Variants in HEMK2 observed in about 807,000 individuals in gnomAD.
HEMK2 encodes the protein methyltransferase HEMK2.
At chr21:28,682,645 A>G in the HEMK2 span, among the ~76,000 whole-genome samples, 8 of 152,228 alleles carry the variant, frequency 5.3e-5, no homozygotes, top group Admixed American at 5.2e-4. Context: ...ACGACTTGGA[A>G]CCAAGCCAAA....
chr21:28,792,095 C>T, the HEMK2 span, among the ~76,000 whole-genome samples: 1 of 152,120 alleles, frequency 6.6e-6, no homozygotes, highest in African/African-American at 2.4e-5. Flanking sequence ...TTACAAATGC[C>T]ATGGTAGTAT....
At chr21:28,589,184 G>A in the HEMK2 span, among the ~76,000 whole-genome samples, 2 of 152,098 alleles carry the variant, frequency 1.3e-5, no homozygotes, top group East Asian at 3.8e-4. Context: ...AATTGGCAAA[G>A]TACAGGCAAT....
the HEMK2 span, among the ~76,000 whole-genome samples, chr21:28,617,842 G>T: frequency 6.6e-6 from 1 of 150,946 alleles, no homozygotes; most frequent in South Asian, 2.1e-4. Context: ...AGGCTGGAGT[G>T]CAGTGGCATG....
At chr21:28,739,931 G>A in the HEMK2 span, among the ~76,000 whole-genome samples, 1 of 152,162 alleles carries the variant, frequency 6.6e-6, no homozygotes, top group African/African-American at 2.4e-5. Flanking sequence ...TGGAGCATGA[G>A]AAGAAAGGTC....
chr21:28,686,541 G>A, the HEMK2 span, among the ~76,000 whole-genome samples: 3 of 152,104 alleles, frequency 2.0e-5, no homozygotes, highest in Non-Finnish European at 4.4e-5. Flanking sequence ...CCACCATTAG[G>A]TTTTAATAAA....
the HEMK2 span, among the ~76,000 whole-genome samples, chr21:28,775,537 A>T: frequency 6.6e-6 from 1 of 152,202 alleles, no homozygotes; most frequent in Non-Finnish European, 1.5e-5. Flanking sequence ...TGATAGATTG[A>T]TAGAAAGAAT....
chr21:28,603,489 T>C, the HEMK2 span, among the ~76,000 whole-genome samples: 1 of 151,120 alleles, frequency 6.6e-6, no homozygotes. Context: ...GATAGATAGA[T>C]ACAAACTCAC....
At chr21:28,752,897 G>A in the HEMK2 span, among the ~76,000 whole-genome samples, 1 of 152,206 alleles carries the variant, frequency 6.6e-6, no homozygotes, top group Non-Finnish European at 1.5e-5. Context: ...TGGGGATGTG[G>A]GGCAGGTATC....
the HEMK2 span, among the ~76,000 whole-genome samples, chr21:28,687,771 T>C: frequency 1.3e-5 from 2 of 152,174 alleles, no homozygotes; most frequent in Non-Finnish European, 2.9e-5. Flanking sequence ...ATACAGGTAA[T>C]GTACTTGGCT....
At chr21:28,859,461 T>C in the HEMK2 span, among the ~76,000 whole-genome samples, 1 of 152,242 alleles carries the variant, frequency 6.6e-6, no homozygotes, top group African/African-American at 2.4e-5. Context: ...TAAATGTATC[T>C]ACTGAGTTAT....
At chr21:28,626,357 A>G in the HEMK2 span, among the ~76,000 whole-genome samples, 5 of 152,240 alleles carry the variant, frequency 3.3e-5, no homozygotes, top group Non-Finnish European at 5.9e-5. Context: ...ATTAATAAAA[A>G]GAAGTTTAAC....
chr21:28,741,040 T>G, the HEMK2 span, among the ~76,000 whole-genome samples: 5 of 152,158 alleles, frequency 3.3e-5, no homozygotes, highest in South Asian at 1.0e-3. Context: ...AATATACACA[T>G]GTGTTAGCTC....
At chr21:28,643,000 G>T in the HEMK2 span, among the ~76,000 whole-genome samples, 1 of 152,130 alleles carries the variant, frequency 6.6e-6, no homozygotes, top group Non-Finnish European at 1.5e-5. Flanking sequence ...GGGTTTAGCC[G>T]GGAACCCAGC....
the HEMK2 span, among the ~76,000 whole-genome samples, chr21:28,832,942 T>C: frequency 1.3e-5 from 2 of 152,274 alleles, no homozygotes; most frequent in East Asian, 3.8e-4. Context: ...TATCATGTGC[T>C]AGGTGTTGAA....
chr21:28,586,654 TA>T, the HEMK2 span, among the ~76,000 whole-genome samples: 1 of 152,252 alleles, frequency 6.6e-6, no homozygotes, highest in Non-Finnish European at 1.5e-5. Flanking sequence ...AATAAACTTT[TA>T]AAACTTTCAA....
At chr21:28,617,677 C>T in the HEMK2 span, among the ~76,000 whole-genome samples, 1 of 145,602 alleles carries the variant, frequency 6.9e-6, no homozygotes, top group African/African-American at 2.8e-5. Context: ...AGTGCCTGGA[C>T]AAAATAATAT....
chr21:28,844,823 A>G, the HEMK2 span, among the ~76,000 whole-genome samples: 2 of 151,338 alleles, frequency 1.3e-5, no homozygotes, highest in Non-Finnish European at 2.9e-5. Context: ...ATCCTTCTAT[A>G]TATTTTTTGG....
the HEMK2 span, among the ~76,000 whole-genome samples, chr21:28,600,562 C>A: frequency 6.6e-6 from 1 of 152,214 alleles, no homozygotes; most frequent in Admixed American, 6.5e-5. Context: ...CTCTGACATG[C>A]CCTGGAGACA....
chr21:28,658,142 C>A, the HEMK2 span, among the ~76,000 whole-genome samples: 18 of 152,108 alleles, frequency 1.2e-4, no homozygotes, highest in African/African-American at 4.1e-4. Context: ...CTCAACTAAT[C>A]TCTGTATGGT....
Sources: gnomAD v4.1 joint callset for allele counts (sites outside exome capture counted in the v4.1 genomes callset) on GRCh38, gnomAD v4.1.1 for gene constraint, MANE v1.5 for transcripts, NCBI Gene and HGNC (gene_info 2026-07-23, HGNC 2026-07-21) for gene names.